The following SIN3A variants were observed in gnomAD, a reference collection of about 807,000 sequenced individuals.
SIN3A encodes paired amphipathic helix protein Sin3a.
SIN3A carries 14 observed loss-of-function variants against 146.1 expected under a neutral mutation model. The ratio of observed to expected loss-of-function variants is 0.10; its 90% confidence interval spans 0.06 to 0.15. SIN3A has a LOEUF of 0.15. Among genes scored for constraint, SIN3A ranks in the 10% least tolerant of loss-of-function variants. The pLI, the probability that SIN3A is intolerant of heterozygous loss-of-function variation, is 1.00. For synonymous variants in SIN3A, 572 were observed against 572.0 expected, an observed-to-expected ratio of 1.00 and a Z score of 0.00; for missense variants, 1,028 against 1,576.0, an observed-to-expected ratio of 0.65 and a Z score of 5.89.
chr15:75,405,900 G>A (rs1290880174), intron 9 of SIN3A, among the ~76,000 whole-genome samples: 5 of 151,956 alleles, frequency 3.3e-5, no homozygotes, highest in African/African-American at 1.2e-4. Context: ...TTGTGATCTA[G>A]ACTTCCACAC....
At chr15:75,438,929 T>A (rs2074152554) in intron 1 of SIN3A, among the ~76,000 whole-genome samples, 1 of 152,200 alleles carries the variant, frequency 6.6e-6, no homozygotes, top group East Asian at 1.9e-4. Context: ...TGGTTTTAAA[T>A]CTGCTAAGAA....
chr15:75,371,639 A>C lies in SIN3A; in HGVS notation c.*340T>G. On this transcript the variant is annotated 3_prime_UTR_variant, in exon 21 of 21. Transcript: ENST00000394947. The stretch of plus-strand genomic sequence containing the variant: ...AGTGTGAACAGCATCCGGTTCCCTC[A>C]TTGAAAGTTAGGCCACAGGAGACTC... The C allele has an allele frequency of 3.9e-6, 1 of 255,484 alleles. No homozygotes were observed. The highest frequency in any genetic ancestry group is 7.4e-6 in the Non-Finnish European group (1 of 134,278). 15.8% of individuals were successfully genotyped at this position (255,484 alleles called of 1,614,324 possible). A position where few individuals can be genotyped will look rare whatever the true frequency, so the allele number is the denominator to read the frequency against.
chr15:75,402,483 A>G (rs1314358177), intron 9 of SIN3A, among the ~76,000 whole-genome samples: 1 of 151,932 alleles, frequency 6.6e-6, no homozygotes, highest in Non-Finnish European at 1.5e-5. Flanking sequence ...ATGCCACTGT[A>G]CTCCAGCCTG....
intron 1 of SIN3A, among the ~76,000 whole-genome samples, chr15:75,433,125 G>C (rs548257962): frequency 6.6e-6 from 1 of 152,238 alleles, no homozygotes; most frequent in Admixed American, 6.5e-5. Flanking sequence ...AAAAACACTA[G>C]AGTACCTTTT....
chr15:75,404,430 G>T (rs1251273784), intron 9 of SIN3A, among the ~76,000 whole-genome samples: 1 of 152,112 alleles, frequency 6.6e-6, no homozygotes, highest in African/African-American at 2.4e-5. Context: ...ATTTCATCTA[G>T]ATATAGTATA....
Position 75,396,311 on chromosome 15 carries a change from G to T in SIN3A, c.2040C>A (p.Ile680=). 6.2e-7 allele frequency: 1 copy of T among 1,614,184 alleles called. No homozygotes were observed. The highest frequency in any genetic ancestry group is 8.5e-7 in the Non-Finnish European group (1 of 1,180,012). Residue 680 remains isoleucine (I), a synonymous_variant, in exon 13 of 21, where the codon ATC becomes ATA. Coordinates refer to ENST00000394947, the MANE Select transcript of SIN3A (RefSeq NM_001145358.2). Reference sequence around the variant, plus strand: ...AGGGATTCTTTCTCAGACCATCAATGATGTCAGCTGCTTTATCAGCATATA... The same window carrying T: ...AGGGATTCTTTCTCAGACCATCAATTATGTCAGCTGCTTTATCAGCATATA... ...QRIYADKAAD[I]IDGLRKNPSI...
At chr15:75,390,584 T>C (rs1247455720) in intron 15 of SIN3A, among the ~76,000 whole-genome samples, 2 of 152,208 alleles carry the variant, frequency 1.3e-5, no homozygotes, top group African/African-American at 4.8e-5. Flanking sequence ...TAGACAAATC[T>C]AATCTCTAGT....
intron 3 of SIN3A, chr15:75,419,297 T>C (rs1434542307): frequency 6.6e-6 from 1 of 152,150 alleles, no homozygotes; most frequent in African/African-American, 2.4e-5. Context: ...GAACACAAAA[T>C]ATATTAAGTT....
intron 3 of SIN3A, among the ~76,000 whole-genome samples, chr15:75,417,863 G>C (rs1178177152): frequency 6.6e-6 from 1 of 152,094 alleles, no homozygotes; most frequent in Non-Finnish European, 1.5e-5. Context: ...AATGGGATTA[G>C]GGACCTTATA....
chr15:75,389,848 C>T, intron 15 of SIN3A, 27 bp from the exon 16 acceptor site: 1 of 1,608,640 alleles, frequency 6.2e-7, no homozygotes, highest in Non-Finnish European at 8.5e-7. Context: ...ATTGGTGAGG[C>T]CTTACCTTGC....
upstream of SIN3A, chr15:75,455,557 C>T (rs906685155): frequency 6.6e-6 from 1 of 152,508 alleles, no homozygotes; most frequent in African/African-American, 2.4e-5. Context: ...TCCCACGGCT[C>T]CGGCCAGGCT....
At chr15:75,390,574 T>C (rs1403781440) in intron 15 of SIN3A, among the ~76,000 whole-genome samples, 5 of 152,290 alleles carry the variant, frequency 3.3e-5, no homozygotes, top group East Asian at 1.9e-4. Context: ...AGTTCAAAAA[T>C]AGACAAATCT....
upstream of SIN3A, among the ~76,000 whole-genome samples, chr15:75,454,120 G>A (rs1197961274): frequency 4.6e-5 from 7 of 151,994 alleles, no homozygotes; most frequent in Admixed American, 2.6e-4. Context: ...GCGGGACCTT[G>A]CGCCTCACGT....
At chr15:75,436,148 A>C (rs2074104492) in intron 1 of SIN3A, among the ~76,000 whole-genome samples, 1 of 151,948 alleles carries the variant, frequency 6.6e-6, no homozygotes. Context: ...AAAAAACAAA[A>C]AAAACAAAAA....
chr15:75,415,498 C>A, intron 3 of SIN3A: 1 of 209,836 alleles, frequency 4.8e-6, no homozygotes, highest in Non-Finnish European at 9.9e-6. Flanking sequence ...AAGAACAACC[C>A]AGAGAAGATC....
chr15:75,420,324 A>C (rs924554055), intron 3 of SIN3A: 11 of 152,214 alleles, frequency 7.2e-5, no homozygotes, highest in Non-Finnish European at 1.6e-4. Flanking sequence ...AAAAACAAAA[A>C]AAAAAGACAA....
At chr15:75,396,618 A>AGG in intron 12 of SIN3A, 122 bp from the exon 13 acceptor site, 1 of 680,732 alleles carries the variant, frequency 1.5e-6, no homozygotes, top group East Asian at 2.6e-5. Context: ...CTGCCCTACT[A>AGG]GCTACATAAG....
intron 1 of SIN3A, among the ~76,000 whole-genome samples, chr15:75,444,956 A>G (rs1383503270): frequency 6.6e-6 from 1 of 152,174 alleles, no homozygotes; most frequent in Non-Finnish European, 1.5e-5. Context: ...TAGGCCAGGC[A>G]TGGTGGCTAA....
At chr15:75,432,491 A>T (rs964239677) in intron 1 of SIN3A, among the ~76,000 whole-genome samples, 1 of 151,786 alleles carries the variant, frequency 6.6e-6, no homozygotes, top group Non-Finnish European at 1.5e-5. Flanking sequence ...GTTTGGGACC[A>T]GCCTGGCCAA....
Sources: allele counts gnomAD v4.1 joint callset (sites outside exome capture counted in the v4.1 genomes callset), GRCh38; gene constraint gnomAD v4.1.1; transcripts MANE v1.5; gene names NCBI Gene and HGNC (gene_info 2026-07-23, HGNC 2026-07-21).